Variants in FGF14 observed in about 807,000 individuals in gnomAD.
FGF14 encodes fibroblast growth factor homologous factor 4.
FGF14 carries 5 observed loss-of-function variants against 25.5 expected under a neutral mutation model. The observed-to-expected ratio is 0.20, with a 90% confidence interval of 0.10 to 0.41. The LOEUF is 0.41. Ranked by LOEUF, FGF14 falls within the 10% of genes least tolerant of loss-of-function variation. The probability of loss-of-function intolerance (pLI) is 1.00; values close to 1 mark genes in which losing one functional copy is unlikely to be tolerated. For missense variants in FGF14, 222 were observed against 320.1 expected (o/e 0.69, Z 2.34); for synonymous variants, 138 against 118.3 (o/e 1.17, Z -1.08).
chr13:101,836,604 T>C (rs1325952519), intron 3 of FGF14, among the ~76,000 whole-genome samples: 1 of 152,098 alleles, frequency 6.6e-6, no homozygotes, highest in Non-Finnish European at 1.5e-5. Flanking sequence ...CAAACTAAAT[T>C]ATAAAAAATA....
rs569471604 is a variant in FGF14 at position 102,240,202 on chromosome 13, G to T, written c.208+161269C>A. On this transcript the variant is annotated intron_variant, in intron 1 of 4. Transcript: ENST00000376131. ...AGATAACATATATAACTCTCAGCAA[G>T]ATTATGAACAGGAGTTTAGAAGGTA... 4.6e-5 allele frequency among the ~76,000 whole-genome samples: 7 copies of T among 152,232 alleles called. No homozygotes were observed. The East Asian group carries it at 1.2e-3, about 25-fold the overall frequency.
chr13:102,124,692 C>T (rs2045878665), intron 1 of FGF14, among the ~76,000 whole-genome samples: 2 of 152,036 alleles, frequency 1.3e-5, no homozygotes, highest in Non-Finnish European at 1.5e-5. Flanking sequence ...CAGCACATTT[C>T]TTGCTTTTAA....
At chr13:102,272,111 G>T (rs2053277139) in intron 1 of FGF14, among the ~76,000 whole-genome samples, 1 of 152,072 alleles carries the variant, frequency 6.6e-6, no homozygotes, top group Non-Finnish European at 1.5e-5. Context: ...TTTGCCAACA[G>T]TCTCCAGCCA....
At chr13:101,806,682 T>TA (rs2041224781) in intron 3 of FGF14, among the ~76,000 whole-genome samples, 1 of 152,142 alleles carries the variant, frequency 6.6e-6, no homozygotes, top group Non-Finnish European at 1.5e-5. Flanking sequence ...GAAATTGTGC[T>TA]ATAGTATCCT....
intron 1 of FGF14, among the ~76,000 whole-genome samples, chr13:101,969,285 T>C (rs115955198): frequency 0.011 from 1,695 of 152,302 alleles, 37 homozygotes; most frequent in African/African-American, 0.037. Flanking sequence ...TAGTCTAGGC[T>C]GGGTGCAGTG....
chr13:102,018,322 T>C (rs2040453422), intron 1 of FGF14, among the ~76,000 whole-genome samples: 1 of 152,094 alleles, frequency 6.6e-6, no homozygotes, highest in African/African-American at 2.4e-5. Flanking sequence ...CGCAACCAAA[T>C]AACTAAAGGG....
At chr13:101,742,305 A>C (rs2036607324) in intron 3 of FGF14, among the ~76,000 whole-genome samples, 2 of 152,212 alleles carry the variant, frequency 1.3e-5, no homozygotes, top group Admixed American at 1.3e-4. Context: ...CACGTTCTGC[A>C]CATGTATCCC....
intron 3 of FGF14, among the ~76,000 whole-genome samples, chr13:101,740,135 G>T (rs1473846432): frequency 2.0e-5 from 3 of 152,200 alleles, no homozygotes; most frequent in Non-Finnish European, 2.9e-5. Context: ...CAACGGGACA[G>T]AAATTTTGCA....
At chr13:101,966,616 G>A (rs531368031) in intron 1 of FGF14, among the ~76,000 whole-genome samples, 2 of 152,204 alleles carry the variant, frequency 1.3e-5, no homozygotes, top group African/African-American at 4.8e-5. Context: ...CTGAGTAGCT[G>A]GGATTACAGG....
chr13:101,792,159 A>G (rs940358606), intron 3 of FGF14, among the ~76,000 whole-genome samples: 1 of 152,172 alleles, frequency 6.6e-6, no homozygotes, highest in Non-Finnish European at 1.5e-5. Flanking sequence ...AAGTAGAATA[A>G]GTGAAGAAAG....
chr13:102,333,825 T>C (rs2056707924), intron 1 of FGF14, among the ~76,000 whole-genome samples: 1 of 152,176 alleles, frequency 6.6e-6, no homozygotes, highest in South Asian at 2.1e-4. Flanking sequence ...TAAAGGGCTC[T>C]TCCCATCAGA....
intron 1 of FGF14, among the ~76,000 whole-genome samples, chr13:102,335,253 C>T (rs1026641464): frequency 2.0e-5 from 3 of 152,206 alleles, no homozygotes; most frequent in Non-Finnish European, 2.9e-5. Context: ...AAACATGCCA[C>T]ACTAGCCTTC....
intron 1 of FGF14, among the ~76,000 whole-genome samples, chr13:102,329,521 T>A (rs1281798167): frequency 1.3e-5 from 2 of 152,148 alleles, no homozygotes; most frequent in Admixed American, 6.5e-5. Flanking sequence ...GACCACTCCC[T>A]TCCCTGTTGG....
intron 1 of FGF14, among the ~76,000 whole-genome samples, chr13:101,971,236 G>A (rs984968214): frequency 6.6e-6 from 1 of 152,154 alleles, no homozygotes; most frequent in Non-Finnish European, 1.5e-5. Flanking sequence ...TCTGTTCAGT[G>A]TTTTTAAAGC....
chr13:101,897,963 C>T (rs188535301), intron 1 of FGF14, among the ~76,000 whole-genome samples: 242 of 152,144 alleles, frequency 1.6e-3, no homozygotes, highest in Middle Eastern at 0.01. Context: ...GGTGCAGTCT[C>T]GGCTTACTGC....
intron 1 of FGF14, among the ~76,000 whole-genome samples, chr13:102,161,630 A>C (rs867777370): frequency 5.4e-3 from 49 of 9,124 alleles, no homozygotes; most frequent in Non-Finnish European, 8.2e-3. Flanking sequence ...AAGAAGAAGA[A>C]GAAGAAGAAG....
At chr13:102,369,500 C>A (rs2057813814) in intron 1 of FGF14, among the ~76,000 whole-genome samples, 1 of 152,278 alleles carries the variant, frequency 6.6e-6, no homozygotes, top group African/African-American at 2.4e-5. Context: ...CTGTTCGATG[C>A]TGAGTCATGG....
At chr13:102,111,194 T>C (rs935763167) in intron 1 of FGF14, among the ~76,000 whole-genome samples, 15 of 152,162 alleles carry the variant, frequency 9.9e-5, no homozygotes, top group African/African-American at 3.6e-4. Flanking sequence ...CTCTCATCTA[T>C]ACATGAAACG....
At chr13:102,011,410 T>A (rs1474532866) in intron 1 of FGF14, among the ~76,000 whole-genome samples, 2 of 152,186 alleles carry the variant, frequency 1.3e-5, no homozygotes, top group African/African-American at 4.8e-5. Context: ...TATTCATAGC[T>A]GAGAGCATAG....
Sources: gnomAD v4.1 joint callset for allele counts (sites outside exome capture counted in the v4.1 genomes callset) on GRCh38, gnomAD v4.1.1 for gene constraint, MANE v1.5 for transcripts, NCBI Gene and HGNC (gene_info 2026-07-23, HGNC 2026-07-21) for gene names.